The following SCARA3 variants were observed in gnomAD, a reference collection of about 807,000 sequenced individuals.
SCARA3 encodes scavenger receptor class A member 3.
A neutral mutation model predicts 47.0 loss-of-function variants in SCARA3; 39 were observed. That is an observed-to-expected ratio of 0.83 (90% CI 0.64 to 1.08). The LOEUF is 1.08. Ranked by LOEUF, SCARA3 falls within the 50% of genes least tolerant of loss-of-function variation. SCARA3 has a pLI of 0.00. For missense variants in SCARA3, 724 were observed against 792.3 expected, an observed-to-expected ratio of 0.91 and a Z score of 1.04; for synonymous variants, 356 against 334.1, an observed-to-expected ratio of 1.07 and a Z score of -0.71.
the SCARA3 span, among the ~76,000 whole-genome samples, chr8:27,695,825 A>G: frequency 2.0e-5 from 3 of 152,150 alleles, no homozygotes; most frequent in African/African-American, 7.2e-5. Flanking sequence ...GAATATATCC[A>G]CACTAAAGAA....
chr8:27,638,114 T>C (rs1472381866), intron 1 of SCARA3, among the ~76,000 whole-genome samples: 2 of 152,108 alleles, frequency 1.3e-5, no homozygotes, highest in Non-Finnish European at 2.9e-5. Flanking sequence ...GCCTAATAAC[T>C]GAAGACTCAG....
chr8:27,681,094 A>G (rs1802347706), downstream of SCARA3, among the ~76,000 whole-genome samples: 1 of 152,222 alleles, frequency 6.6e-6, no homozygotes, highest in Non-Finnish European at 1.5e-5. Context: ...AGGCAAGAGT[A>G]TTGACTCTTA....
the SCARA3 span, among the ~76,000 whole-genome samples, chr8:27,723,528 G>C: frequency 6.6e-6 from 1 of 151,992 alleles, no homozygotes; most frequent in Non-Finnish European, 1.5e-5. Flanking sequence ...CATCTACCAC[G>C]TTCTGGAAGC....
chr8:27,668,964 G>C (rs1276729032), intron 5 of SCARA3, among the ~76,000 whole-genome samples: 1 of 152,226 alleles, frequency 6.6e-6, no homozygotes, highest in Non-Finnish European at 1.5e-5. Context: ...CCCCAGCTGT[G>C]TGTAGGAGCA....
chr8:27,703,267 C>T, the SCARA3 span: 3 of 152,542 alleles, frequency 2.0e-5, no homozygotes, highest in Non-Finnish European at 2.9e-5. Context: ...AACATGAAGC[C>T]GCAGCACCTG....
chr8:27,691,987 C>G, the SCARA3 span, among the ~76,000 whole-genome samples: 3 of 152,032 alleles, frequency 2.0e-5, no homozygotes, highest in Admixed American at 1.3e-4. Flanking sequence ...AAGGAATGGA[C>G]CCCTCCTCTC....
the SCARA3 span, among the ~76,000 whole-genome samples, chr8:27,682,983 C>T: frequency 2.0e-3 from 301 of 151,822 alleles, 1 homozygote; most frequent in Admixed American, 7.1e-3. Context: ...CAAGAATATT[C>T]ATAGATTTGT....
At chr8:27,729,924 A>G in the SCARA3 span, among the ~76,000 whole-genome samples, 597 of 152,322 alleles carry the variant, frequency 3.9e-3, 5 homozygotes, top group African/African-American at 0.014. Flanking sequence ...ACAGTGCATT[A>G]AATATCCTCA....
the SCARA3 span, among the ~76,000 whole-genome samples, chr8:27,685,184 C>T: frequency 6.6e-6 from 1 of 152,018 alleles, no homozygotes. Flanking sequence ...AAATTTGACA[C>T]CAATAATTTT....
chr8:27,691,546 T>A, the SCARA3 span, among the ~76,000 whole-genome samples: 1 of 152,128 alleles, frequency 6.6e-6, no homozygotes, highest in Admixed American at 6.5e-5. Context: ...TTGCACCCAG[T>A]GAACCGCTGT....
At chr8:27,638,227 G>A (rs753514219) in intron 1 of SCARA3, among the ~76,000 whole-genome samples, 2 of 151,914 alleles carry the variant, frequency 1.3e-5, no homozygotes, top group African/African-American at 4.8e-5. Context: ...AGCTGTTCTG[G>A]GTGTTAGAAT....
rs1194195260 is a variant in SCARA3 at position 27,646,963 on chromosome 8, ACCGCC to A, written c.8-2736_8-2732del. On this transcript the variant is annotated intron_variant, in intron 1 of 5. Coordinates refer to ENST00000301904, the MANE Select transcript of SCARA3 (RefSeq NM_016240.3). ...TCCAAAGCACTTGCCCGCACCCCTG[ACCGCC>A]CCCGCCCCCCCCCCGCACACACACA... 2.3e-4 allele frequency among the ~76,000 whole-genome samples: 6 copies of A among 26,636 alleles called. 1 individual carries two copies. Among genetic ancestry groups the A allele is most frequent in the East Asian group, 2.9e-3 (1 of 344 alleles). 17.5% of individuals were successfully genotyped at this position (26,636 alleles called of 152,430 possible).
chr8:27,710,406 T>G, the SCARA3 span, among the ~76,000 whole-genome samples: 2 of 152,308 alleles, frequency 1.3e-5, no homozygotes, highest in East Asian at 3.9e-4. Context: ...ACAGCCTCTT[T>G]TGCATACATT....
chr8:27,708,672 T>A, the SCARA3 span, among the ~76,000 whole-genome samples: 1 of 152,186 alleles, frequency 6.6e-6, no homozygotes, highest in Non-Finnish European at 1.5e-5. Context: ...ATGAGACAGA[T>A]AATAACTTCT....
the SCARA3 span, among the ~76,000 whole-genome samples, chr8:27,696,957 T>TGGTTGCACAGGTATATACCTGTGCA: frequency 8.5e-5 from 13 of 152,148 alleles, no homozygotes; most frequent in African/African-American, 3.1e-4. Context: ...TAAAATGATA[T>TGGTTGCACAGGTATATACCTGTGCA]CATGGTAATG....
chr8:27,681,863 A>G, the SCARA3 span, among the ~76,000 whole-genome samples: 5 of 152,238 alleles, frequency 3.3e-5, no homozygotes, highest in Admixed American at 1.3e-4. Flanking sequence ...TAGTCAATGT[A>G]ATCCCAAACA....
chr8:27,677,271 T>C (rs924383282), downstream of SCARA3, among the ~76,000 whole-genome samples: 2 of 152,108 alleles, frequency 1.3e-5, no homozygotes, highest in African/African-American at 4.8e-5. Flanking sequence ...AACAGAGCCA[T>C]AGTCTTATGG....
At chr8:27,701,849 C>T in the SCARA3 span, 2 of 154,180 alleles carry the variant, frequency 1.3e-5, no homozygotes, top group Non-Finnish European at 2.9e-5. Context: ...ATGCCCCAAA[C>T]CAAAGGGTTT....
At chr8:27,700,166 A>G in the SCARA3 span, among the ~76,000 whole-genome samples, 1 of 152,204 alleles carries the variant, frequency 6.6e-6, no homozygotes, top group Non-Finnish European at 1.5e-5. Flanking sequence ...ATTGGATTAT[A>G]TCAAAATTAA....
Sources: allele counts gnomAD v4.1 joint callset (sites outside exome capture counted in the v4.1 genomes callset), GRCh38; gene constraint gnomAD v4.1.1; transcripts MANE v1.5; gene names NCBI Gene and HGNC (gene_info 2026-07-23, HGNC 2026-07-21).